The following GRM5 variants were observed in gnomAD, a reference collection of about 807,000 sequenced individuals.
GRM5 encodes the protein metabotropic glutamate receptor 5.
GRM5 carries 19 observed loss-of-function variants against 83.1 expected under a neutral mutation model. The ratio of observed to expected loss-of-function variants is 0.23; its 90% CI spans 0.16 to 0.34. The LOEUF (loss-of-function observed/expected upper bound fraction) is 0.34. Among genes scored for constraint, GRM5 ranks in the 10% least tolerant of loss-of-function variants. The probability of loss-of-function intolerance (pLI) is 1.00; values close to 1 mark genes in which losing one functional copy is unlikely to be tolerated. For synonymous variants in GRM5, 675 were observed against 633.6 expected, an observed-to-expected ratio of 1.07 and a Z score of -0.98; for missense variants, 1,160 against 1,588.3, an observed-to-expected ratio of 0.73 and a Z score of 4.58.
chr11:88,720,821 C>CGT lies in GRM5; in HGVS notation c.912-67420_912-67419dup, dbSNP rs869078157. ...CTGTGTGTGTGTGTGTGTGTGTGTG[C>CGT]GTGTGTGTGTGTGTGTGTGTGTGCC... On this transcript the variant is annotated intron_variant, in intron 3 of 9. Coordinates refer to ENST00000305447, the MANE Select transcript of GRM5 (RefSeq NM_001143831.3). Among the ~76,000 whole-genome samples, 71 of 137,262 alleles carry CGT rather than the reference C, an allele frequency of 5.2e-4. 1 individual carries two copies. The highest frequency in any genetic ancestry group is 1.9e-3 in the African/African-American group (70 of 37,132). The allele number at this position is 137,262 out of a possible 152,430, so 90.0% of individuals were successfully genotyped here. A position where few individuals can be genotyped will look rare whatever the true frequency, so the allele number is the denominator to read the frequency against.
intron 2 of GRM5, among the ~76,000 whole-genome samples, chr11:88,882,657 A>G (rs919214866): frequency 9.2e-5 from 14 of 152,166 alleles, no homozygotes; most frequent in Non-Finnish European, 5.9e-5. Context: ...ATATTAATAA[A>G]TATGTCAGGC....
chr11:88,551,707 C>T (rs745401433), intron 8 of GRM5, among the ~76,000 whole-genome samples: 5 of 152,188 alleles, frequency 3.3e-5, no homozygotes, highest in Non-Finnish European at 7.4e-5. Context: ...CCTCTCCACA[C>T]TTCAGTGTCC....
rs1938210997 is a variant in GRM5 at position 88,608,143 on chromosome 11, G to A, written c.1148-3179C>T. Among the ~76,000 whole-genome samples the A allele has an allele frequency of 2.0e-5, 3 of 152,204 alleles. No individual in the cohort carries two copies. The South Asian group carries it at 6.2e-4, about 32-fold the overall frequency. On this transcript the variant is annotated intron_variant, in intron 4 of 9. Coordinates refer to ENST00000305447, the MANE Select transcript of GRM5 (RefSeq NM_001143831.3). ...GAGCCTTGGGGGAGCAGCTCACAAT[G>A]AGTCCTAGGCTTCTGATGTTTTTTG...
rs554903570 is a variant in GRM5 at position 88,865,863 on chromosome 11, T to C, written c.662-15708A>G. On this transcript the variant is annotated intron_variant, in intron 2 of 9. Coordinates refer to ENST00000305447, the MANE Select transcript of GRM5 (RefSeq NM_001143831.3). Reference sequence around the variant, plus strand: ...AAATCAAAACCACAATGAGATGCCATCTCAGGCCAGTTAGAATGGTGATCA... The same window carrying C: ...AAATCAAAACCACAATGAGATGCCACCTCAGGCCAGTTAGAATGGTGATCA... 4.6e-5 allele frequency among the ~76,000 whole-genome samples: 7 copies of C among 152,162 alleles called. No homozygotes were observed. The South Asian group carries it at 1.5e-3, about 32-fold the overall frequency.
intron 2 of GRM5, among the ~76,000 whole-genome samples, chr11:88,921,929 G>A (rs1008642453): frequency 6.7e-5 from 9 of 135,244 alleles, no homozygotes; most frequent in South Asian, 2.2e-4. Flanking sequence ...AAAAAAAACC[G>A]TATTTCTATA....
intron 9 of GRM5, among the ~76,000 whole-genome samples, chr11:88,522,688 A>G (rs1334004320): frequency 6.6e-6 from 1 of 151,128 alleles, no homozygotes; most frequent in South Asian, 2.1e-4. Context: ...AAGAGATACT[A>G]GGAAGGGAAG....
At chr11:88,881,065 T>C (rs1292020924) in intron 2 of GRM5, among the ~76,000 whole-genome samples, 1 of 152,102 alleles carries the variant, frequency 6.6e-6, no homozygotes, top group Non-Finnish European at 1.5e-5. Flanking sequence ...AAGGTGGTGT[T>C]TTCTTTGATC....
At chr11:88,615,861 A>G (rs2135248591) in intron 4 of GRM5, among the ~76,000 whole-genome samples, 2 of 152,008 alleles carry the variant, frequency 1.3e-5, no homozygotes, top group African/African-American at 4.8e-5. Flanking sequence ...ATCTATCTTC[A>G]CTCCCTCCAT....
At chr11:88,728,665 G>T (rs1941737874) in intron 3 of GRM5, among the ~76,000 whole-genome samples, 1 of 152,090 alleles carries the variant, frequency 6.6e-6, no homozygotes, top group African/African-American at 2.4e-5. Context: ...ACATCAAAAA[G>T]CTTATCCACC....
intron 2 of GRM5, among the ~76,000 whole-genome samples, chr11:88,987,616 C>A (rs930981541): frequency 3.3e-5 from 5 of 152,048 alleles, no homozygotes; most frequent in African/African-American, 1.2e-4. Context: ...CCTTGTCTGA[C>A]AGCTTTGAAG....
At chr11:88,551,423 G>T (rs753254834) in intron 8 of GRM5, among the ~76,000 whole-genome samples, 4 of 152,048 alleles carry the variant, frequency 2.6e-5, no homozygotes, top group African/African-American at 4.8e-5. Flanking sequence ...CTTCATACTT[G>T]CATTGAGCAC....
At chr11:88,662,484 G>T (rs767969773) in intron 3 of GRM5, among the ~76,000 whole-genome samples, 41 of 152,014 alleles carry the variant, frequency 2.7e-4, no homozygotes, top group Non-Finnish European at 5.3e-4. Context: ...GATCTTTGGG[G>T]TATACACACC....
intron 2 of GRM5, among the ~76,000 whole-genome samples, chr11:89,020,599 A>T (rs1418873533): frequency 1.3e-5 from 2 of 152,216 alleles, no homozygotes; most frequent in African/African-American, 4.8e-5. Context: ...TAGTCCACTT[A>T]AAAAACTCCA....
chr11:88,646,133 G>T (rs1939437811), intron 4 of GRM5, among the ~76,000 whole-genome samples: 1 of 152,000 alleles, frequency 6.6e-6, no homozygotes, highest in Non-Finnish European at 1.5e-5. Flanking sequence ...AGAAATTATA[G>T]AAAAGATACA....
intron 8 of GRM5, among the ~76,000 whole-genome samples, chr11:88,555,323 A>T (rs1387406880): frequency 6.6e-6 from 1 of 152,032 alleles, no homozygotes; most frequent in Non-Finnish European, 1.5e-5. Flanking sequence ...TGAATCAGAA[A>T]CTCTGGGTTG....
chr11:88,948,997 C>G (rs1035058966), intron 2 of GRM5, among the ~76,000 whole-genome samples: 2 of 152,128 alleles, frequency 1.3e-5, no homozygotes, highest in African/African-American at 4.8e-5. Context: ...ACTGTGTGCC[C>G]CAACTAAACA....
At chr11:88,687,321 CA>C (rs1940652072) in intron 3 of GRM5, among the ~76,000 whole-genome samples, 1 of 148,438 alleles carries the variant, frequency 6.7e-6, no homozygotes, top group African/African-American at 2.5e-5. Context: ...AAAAAAAATA[CA>C]AAAAATTAGC....
rs1565186971 is a variant in GRM5 at position 88,687,530 on chromosome 11, A to ACATATATAT, written c.912-34128_912-34127insATATATATG. On this transcript the variant is annotated intron_variant, in intron 3 of 9. Coordinates refer to ENST00000305447, the MANE Select transcript of GRM5 (RefSeq NM_001143831.3). Reference sequence around the variant, plus strand: ...CACACACACACACACACACACATACATATATATACACACACACACACACAT... The same window carrying ACATATATAT: ...CACACACACACACACACACACATACACATATATATTATATATACACACACACACACACAT... 2.0e-3 allele frequency among the ~76,000 whole-genome samples: 40 copies of ACATATATAT among 20,504 alleles called. 1 individual carries two copies. The highest frequency in any genetic ancestry group is 4.8e-3 in the Admixed American group (6 of 1,256). 13.5% of individuals were successfully genotyped at this position (20,504 alleles called of 152,430 possible). A position where few individuals can be genotyped will look rare whatever the true frequency, so the allele number is the denominator to read the frequency against.
intron 3 of GRM5, among the ~76,000 whole-genome samples, chr11:88,780,971 T>C (rs999821123): frequency 5.3e-5 from 8 of 152,012 alleles, no homozygotes; most frequent in Non-Finnish European, 1.0e-4. Context: ...ATGGCTTTTT[T>C]TTTCCACTAA....
Sources: allele counts gnomAD v4.1 joint callset (sites outside exome capture counted in the v4.1 genomes callset), GRCh38; gene constraint gnomAD v4.1.1; transcripts MANE v1.5; gene names NCBI Gene and HGNC (gene_info 2026-07-23, HGNC 2026-07-21).